The following GNA12 variants were observed in gnomAD, a reference collection of about 807,000 sequenced individuals.
GNA12 encodes G protein subunit alpha 12.
A neutral mutation model predicts 26.0 loss-of-function variants in GNA12; 9 were observed. That is an observed-to-expected ratio of 0.35 (90% CI 0.21 to 0.60). The LOEUF (loss-of-function observed/expected upper bound fraction) is 0.60. Among genes scored for constraint, GNA12 ranks in the 20% least tolerant of loss-of-function variants. The probability of loss-of-function intolerance (pLI) is 0.78; values close to 1 mark genes in which losing one functional copy is unlikely to be tolerated. For synonymous variants in GNA12, 264 were observed against 219.6 expected, an observed-to-expected ratio of 1.20 and a Z score of -1.79; for missense variants, 405 against 525.8, an observed-to-expected ratio of 0.77 and a Z score of 2.25.
At chr7:2,786,705 T>C (rs753248328) in intron 2 of GNA12, among the ~76,000 whole-genome samples, 6 of 152,204 alleles carry the variant, frequency 3.9e-5, no homozygotes, top group Non-Finnish European at 8.8e-5. Context: ...AATCGAATGC[T>C]TGAGAAGTCA....
At chr7:2,742,104 C>T (rs1233529026) in intron 2 of GNA12, among the ~76,000 whole-genome samples, 1 of 152,016 alleles carries the variant, frequency 6.6e-6, no homozygotes, top group Non-Finnish European at 1.5e-5. Context: ...TCACTGCAGC[C>T]TCCGCCTCCC....
At chr7:2,744,917 A>C (rs1359452254) in intron 2 of GNA12, among the ~76,000 whole-genome samples, 1 of 152,180 alleles carries the variant, frequency 6.6e-6, no homozygotes, top group Non-Finnish European at 1.5e-5. Flanking sequence ...GAAAGGGTAT[A>C]AGTGATGGAA....
intron 2 of GNA12, among the ~76,000 whole-genome samples, chr7:2,761,231 C>T (rs573413579): frequency 6.6e-6 from 1 of 152,302 alleles, no homozygotes; most frequent in East Asian, 1.9e-4. Context: ...GCTCTGCTAC[C>T]TCCCGGCCGT....
At chr7:2,792,346 C>T (rs543796334) in intron 2 of GNA12, among the ~76,000 whole-genome samples, 3 of 152,306 alleles carry the variant, frequency 2.0e-5, no homozygotes, top group African/African-American at 7.2e-5. Flanking sequence ...ATAACTGGTA[C>T]GGGCTTACTT....
chr7:2,733,479 A>G lies in GNA12; in HGVS notation c.548T>C (p.Leu183Pro), dbSNP rs1169894748. 6.2e-7 allele frequency: 1 copy of G among 1,613,930 alleles called. No individual in the cohort carries two copies. The change falls in exon 3 of 4, where the codon CTG becomes CCG. Residue 183 changes from leucine (L) to proline (P), a missense_variant. Transcript: ENST00000275364. ...CTGGCCGATCCGGTCCAAGTTGTCC[A>G]GGAAGTACTTCACCGACTCCCCCTG... ...FQLGESVKYF[L>P]DNLDRIGQLN...
intron 2 of GNA12, among the ~76,000 whole-genome samples, chr7:2,791,961 G>C (rs1294088688): frequency 6.6e-6 from 1 of 152,032 alleles, no homozygotes; most frequent in Non-Finnish European, 1.5e-5. Flanking sequence ...CATCATCTCT[G>C]CATCTGATTA....
chr7:2,762,360 T>G, intron 2 of GNA12: 1 of 396,632 alleles, frequency 2.5e-6, no homozygotes, highest in Non-Finnish European at 4.4e-6. Context: ...TCCCACCGAA[T>G]CCAGACACGG....
intron 2 of GNA12, among the ~76,000 whole-genome samples, chr7:2,742,211 A>G (rs1420706363): frequency 6.6e-6 from 1 of 151,814 alleles, no homozygotes; most frequent in East Asian, 1.9e-4. Flanking sequence ...TACTACAGAC[A>G]GGGTTTTGCC....
At chr7:2,794,478 T>G (rs1792600848) in intron 2 of GNA12, among the ~76,000 whole-genome samples, 1 of 152,154 alleles carries the variant, frequency 6.6e-6, no homozygotes, top group African/African-American at 2.4e-5. Context: ...TTTTAGACCT[T>G]AAAACGAAAG....
Position 2,789,903 on chromosome 7 carries a change from G to C in GNA12, c.525+5025C>G, listed in dbSNP as rs564943325. Reference sequence around the variant, plus strand: ...GGAAAGGGCAGAGAAATAGCTCACAGTGCACATAAAGCTACCGCCTGTGTC... The same window carrying C: ...GGAAAGGGCAGAGAAATAGCTCACACTGCACATAAAGCTACCGCCTGTGTC... On this transcript the variant is annotated intron_variant, in intron 2 of 3. Coordinates refer to ENST00000275364, the MANE Select transcript of GNA12 (RefSeq NM_007353.3). Among the ~76,000 whole-genome samples the C allele has an allele frequency of 2.6e-5, 4 of 152,346 alleles. No homozygotes were observed. The South Asian group carries it at 8.3e-4, about 32-fold the overall frequency.
chr7:2,816,603 A>G (rs1452652192), intron 1 of GNA12, among the ~76,000 whole-genome samples: 2 of 152,206 alleles, frequency 1.3e-5, no homozygotes, highest in African/African-American at 4.8e-5. Flanking sequence ...CAAGTAATAT[A>G]CATATTGATT....
Position 2,746,766 on chromosome 7 carries a change from C to T in GNA12, c.526-13265G>A, listed in dbSNP as rs200002661. Among the ~76,000 whole-genome samples, 70 of 151,702 alleles carry T rather than the reference C, an allele frequency of 4.6e-4. 1 individual carries two copies. The East Asian group carries it at 0.011, about 24-fold the overall frequency. On this transcript the variant is annotated intron_variant, in intron 2 of 3. Transcript: ENST00000275364. ...GAAAAGATCAACAAAACTGATAGAC[C>T]GCTAGCAAGACTAATAAAGAAGAAA... is the stretch of plus-strand genomic sequence containing the variant.
intron 1 of GNA12, among the ~76,000 whole-genome samples, chr7:2,807,880 G>T (rs554709522): frequency 6.6e-6 from 1 of 152,154 alleles, no homozygotes; most frequent in Admixed American, 6.5e-5. Context: ...GCACACACAC[G>T]ACCGAAGAGC....
At chr7:2,778,603 C>A (rs1455453767) in intron 2 of GNA12, among the ~76,000 whole-genome samples, 1 of 152,158 alleles carries the variant, frequency 6.6e-6, no homozygotes, top group Non-Finnish European at 1.5e-5. Context: ...GGAAGAAAAT[C>A]GTTCCTCCTA....
intron 2 of GNA12, among the ~76,000 whole-genome samples, chr7:2,736,076 C>T (rs190882467): frequency 6.6e-6 from 1 of 152,318 alleles, no homozygotes; most frequent in East Asian, 1.9e-4. Flanking sequence ...TCAAGTCTTA[C>T]AGCAGCAGCT....
At chr7:2,819,266 G>A (rs969279550) in intron 1 of GNA12, among the ~76,000 whole-genome samples, 1 of 152,204 alleles carries the variant, frequency 6.6e-6, no homozygotes, top group Non-Finnish European at 1.5e-5. Context: ...GCCACAACCT[G>A]AATGAACTTG....
intron 2 of GNA12, among the ~76,000 whole-genome samples, chr7:2,788,398 AGAG>A (rs1028868064): frequency 6.6e-6 from 1 of 152,188 alleles, no homozygotes; most frequent in African/African-American, 2.4e-5. Flanking sequence ...CTCTAAAAGA[AGAG>A]GGGAGCTCTC....
chr7:2,819,247 T>C (rs1346002496), intron 1 of GNA12, among the ~76,000 whole-genome samples: 3 of 152,180 alleles, frequency 2.0e-5, no homozygotes, highest in Non-Finnish European at 4.4e-5. Flanking sequence ...TGCAAGGACC[T>C]GAACCCTTGC....
At chr7:2,745,624 T>C (rs983672080) in intron 2 of GNA12, among the ~76,000 whole-genome samples, 2 of 152,136 alleles carry the variant, frequency 1.3e-5, no homozygotes, top group Non-Finnish European at 2.9e-5. Flanking sequence ...ACGAGCAAAA[T>C]AGCCAGCTGA....
Sources: gnomAD v4.1 joint callset for allele counts (sites outside exome capture counted in the v4.1 genomes callset) on GRCh38, gnomAD v4.1.1 for gene constraint, MANE v1.5 for transcripts, NCBI Gene and HGNC (gene_info 2026-07-23, HGNC 2026-07-21) for gene names.